The following SEMA5A variants were observed in gnomAD, a reference collection of about 807,000 sequenced individuals.
SEMA5A encodes the protein semaphorin 5A, also known as semaphorin-5A.
SEMA5A carries 55 observed loss-of-function variants against 135.5 expected under a neutral mutation model. That is an observed-to-expected ratio of 0.41 (90% CI 0.33 to 0.51). SEMA5A has a LOEUF of 0.51. Ranked by LOEUF, SEMA5A falls within the 20% of genes least tolerant of loss-of-function variation. The pLI is 0.37. For synonymous variants in SEMA5A, 580 were observed against 546.5 expected, an observed-to-expected ratio of 1.06 and a Z score of -0.85; for missense variants, 1,290 against 1,419.9, an observed-to-expected ratio of 0.91 and a Z score of 1.47.
chr5:9,490,691 T>C (rs1357575573), intron 1 of SEMA5A, among the ~76,000 whole-genome samples: 3 of 152,158 alleles, frequency 2.0e-5, no homozygotes, highest in African/African-American at 7.2e-5. Context: ...TTGTCCTGAG[T>C]ATGTGGCCCT....
chr5:9,541,726 C>T (rs963736018), intron 1 of SEMA5A, among the ~76,000 whole-genome samples: 1 of 152,120 alleles, frequency 6.6e-6, no homozygotes, highest in African/African-American at 2.4e-5. Context: ...AACAGCAATT[C>T]CTTTGGGAAA....
chr5:9,187,021 T>C (rs1744845208), intron 11 of SEMA5A, among the ~76,000 whole-genome samples: 1 of 152,190 alleles, frequency 6.6e-6, no homozygotes, highest in Admixed American at 6.5e-5. Flanking sequence ...TTTGCCTTGA[T>C]GTAACTACTG....
chr5:9,134,940 C>G (rs564894121), intron 13 of SEMA5A, among the ~76,000 whole-genome samples: 1 of 152,118 alleles, frequency 6.6e-6, no homozygotes, highest in Admixed American at 6.5e-5. Context: ...ATTTTTCTAA[C>G]CATTTTAAAG....
At chr5:9,186,340 G>A (rs1435761148) in intron 11 of SEMA5A, among the ~76,000 whole-genome samples, 1 of 152,180 alleles carries the variant, frequency 6.6e-6, no homozygotes, top group Non-Finnish European at 1.5e-5. Flanking sequence ...AGCAAGAGAA[G>A]TCTAGCTCAC....
intron 8 of SEMA5A, among the ~76,000 whole-genome samples, chr5:9,223,959 T>C (rs1160745173): frequency 6.6e-6 from 1 of 152,142 alleles, no homozygotes; most frequent in East Asian, 1.9e-4. Flanking sequence ...CTGGTTTCTT[T>C]AAAAATAAAT....
chr5:9,054,044 C>T (rs1377713393), intron 19 of SEMA5A, 43 bp downstream of exon 19: 1 of 1,557,272 alleles, frequency 6.4e-7, no homozygotes, highest in Admixed American at 1.9e-5. Context: ...AGGAAAGAGG[C>T]CAATTTGTCT....
intron 1 of SEMA5A, among the ~76,000 whole-genome samples, chr5:9,529,715 C>T (rs923447156): frequency 2.0e-5 from 3 of 152,142 alleles, no homozygotes; most frequent in African/African-American, 7.2e-5. Context: ...TTATAAAATC[C>T]ATGGGTATAT....
chr5:9,344,711 G>T (rs562713500), intron 3 of SEMA5A, among the ~76,000 whole-genome samples: 1 of 152,330 alleles, frequency 6.6e-6, no homozygotes, highest in Non-Finnish European at 1.5e-5. Context: ...ACTCCAAAAT[G>T]TACAGATATG....
At chr5:9,145,107 T>G (rs749386943) in intron 12 of SEMA5A, among the ~76,000 whole-genome samples, 2 of 152,006 alleles carry the variant, frequency 1.3e-5, no homozygotes, top group African/African-American at 2.4e-5. Flanking sequence ...AGACTTTGAA[T>G]CCCAGCCTTC....
At chr5:9,344,583 A>G (rs572202396) in intron 3 of SEMA5A, among the ~76,000 whole-genome samples, 1 of 152,324 alleles carries the variant, frequency 6.6e-6, no homozygotes, top group East Asian at 1.9e-4. Context: ...AGAGAAAAAC[A>G]GAAAGAAACC....
chr5:9,528,609 C>G (rs1052571687), intron 1 of SEMA5A, among the ~76,000 whole-genome samples: 1 of 152,142 alleles, frequency 6.6e-6, no homozygotes, highest in African/African-American at 2.4e-5. Flanking sequence ...CTTCCAGTAT[C>G]GAAGCCCATG....
intron 8 of SEMA5A, among the ~76,000 whole-genome samples, chr5:9,218,313 C>T (rs892772299): frequency 5.9e-5 from 9 of 152,066 alleles, no homozygotes; most frequent in African/African-American, 1.9e-4. Context: ...AGGCACTGTC[C>T]AAAATGTCAC....
intron 5 of SEMA5A, among the ~76,000 whole-genome samples, chr5:9,274,386 G>C (rs1405129227): frequency 1.3e-5 from 2 of 151,960 alleles, no homozygotes; most frequent in Admixed American, 1.3e-4. Flanking sequence ...CACGATAGTG[G>C]GATATTTTAA....
At chr5:9,385,679 C>T (rs1003904926) in intron 2 of SEMA5A, among the ~76,000 whole-genome samples, 3 of 151,868 alleles carry the variant, frequency 2.0e-5, no homozygotes, top group African/African-American at 7.3e-5. Context: ...ATCCTTAGTA[C>T]CAAAAGGCTG....
chr5:9,367,071 T>C lies in SEMA5A; in HGVS notation c.124+12752A>G, dbSNP rs139460464. 8.2e-4 allele frequency among the ~76,000 whole-genome samples: 125 copies of C among 152,316 alleles called. 1 individual carries two copies. Among genetic ancestry groups the C allele is most frequent in the African/African-American group, 2.9e-3 (121 of 41,570 alleles). On this transcript the variant is annotated intron_variant, in intron 3 of 22. Transcript: ENST00000382496. ...GCAGAACAGCCTACATCGATCTTCG[T>C]TAAGTGATGCTGGAAGGCAAAGGTC...
At chr5:9,353,214 A>G (rs1230836738) in intron 3 of SEMA5A, among the ~76,000 whole-genome samples, 4 of 136,908 alleles carry the variant, frequency 2.9e-5, no homozygotes, top group Admixed American at 1.5e-4. Flanking sequence ...AGGAAAGGAA[A>G]GGAAAGGAAA....
At chr5:9,166,840 T>A (rs185884224) in intron 11 of SEMA5A, among the ~76,000 whole-genome samples, 1 of 152,346 alleles carries the variant, frequency 6.6e-6, no homozygotes, top group Admixed American at 6.5e-5. Context: ...ATCATTCTGT[T>A]AAGGAAGCAA....
chr5:9,128,602 A>T (rs1741240435), intron 13 of SEMA5A, among the ~76,000 whole-genome samples: 1 of 152,212 alleles, frequency 6.6e-6, no homozygotes, highest in Non-Finnish European at 1.5e-5. Context: ...GGATGAAAAT[A>T]GTCCTTAATT....
chr5:9,084,998 G>T (rs747091232), intron 16 of SEMA5A, among the ~76,000 whole-genome samples: 9 of 152,152 alleles, frequency 5.9e-5, no homozygotes, highest in Middle Eastern at 3.2e-3. Context: ...TTATATTTTA[G>T]CAAAGAGACT....
Sources: gnomAD v4.1 joint callset for allele counts (sites outside exome capture counted in the v4.1 genomes callset) on GRCh38, gnomAD v4.1.1 for gene constraint, MANE v1.5 for transcripts, NCBI Gene and HGNC (gene_info 2026-07-23, HGNC 2026-07-21) for gene names.